Variants in HS6ST2 observed in about 807,000 individuals in gnomAD.
The protein encoded by HS6ST2 is heparan sulfate 6-O-sulfotransferase 2.
Under a neutral mutation model 33.0 loss-of-function variants are expected in HS6ST2, and 17 were observed. The ratio of observed to expected loss-of-function variants is 0.52; its 90% CI spans 0.35 to 0.77. The LOEUF is 0.77. Ranked by LOEUF, HS6ST2 falls within the 30% of genes least tolerant of loss-of-function variation. The probability of loss-of-function intolerance (pLI) is 0.01; values close to 1 mark genes in which losing one functional copy is unlikely to be tolerated. For synonymous variants in HS6ST2, 248 were observed against 237.1 expected, an observed-to-expected ratio of 1.05 and a Z score of -0.42; for missense variants, 519 against 551.7, an observed-to-expected ratio of 0.94 and a Z score of 0.59.
intron 2 of HS6ST2, among the ~76,000 whole-genome samples, chrX:132,829,388 G>A (rs1364718029): frequency 9.3e-6 from 1 of 107,833 alleles, no homozygotes; most frequent in Non-Finnish European, 1.9e-5. Context: ...ATGTATCTAT[G>A]TATTTATGTA....
chrX:132,633,934 C>A (rs2063536368), intron 4 of HS6ST2, among the ~76,000 whole-genome samples: 1 of 111,721 alleles, frequency 9.0e-6, no homozygotes, highest in African/African-American at 3.3e-5. Flanking sequence ...GACACCATTT[C>A]TCTTAATGTG....
At chrX:132,669,266 C>G in intron 3 of HS6ST2, 67 bp from the exon 4 acceptor site, 1 of 983,702 alleles carries the variant, frequency 1.0e-6, no homozygotes, top group Non-Finnish European at 1.4e-6. Flanking sequence ...AGCAATTAGT[C>G]ACTTCATTTA....
chrX:132,732,842 C>T (rs1468426985), intron 2 of HS6ST2, among the ~76,000 whole-genome samples: 1 of 111,722 alleles, frequency 9.0e-6, no homozygotes, highest in Non-Finnish European at 1.9e-5. Context: ...AAGGATCAAA[C>T]CATTGGGAGG....
chrX:132,753,273 A>G (rs1471821295), intron 2 of HS6ST2, among the ~76,000 whole-genome samples: 1 of 111,976 alleles, frequency 8.9e-6, no homozygotes, highest in African/African-American at 3.2e-5. Context: ...GCTTATGCTA[A>G]GGAGAAGGTT....
At chrX:132,670,032 C>G (rs1335028708) in intron 3 of HS6ST2, 2 of 111,726 alleles carry the variant, frequency 1.8e-5, no homozygotes, top group Non-Finnish European at 3.8e-5. Context: ...TCCATGGAAA[C>G]CAATTCAAAG....
chrX:132,694,150 C>T (rs1569481591), intron 3 of HS6ST2, among the ~76,000 whole-genome samples: 2 of 111,536 alleles, frequency 1.8e-5, no homozygotes, highest in African/African-American at 3.3e-5. Flanking sequence ...GCACCAGACT[C>T]GAGCGGTGCA....
intron 3 of HS6ST2, among the ~76,000 whole-genome samples, chrX:132,694,226 C>T (rs1245890058): frequency 9.0e-6 from 1 of 111,618 alleles, no homozygotes; most frequent in African/African-American, 3.3e-5. Flanking sequence ...TTGACTGCAG[C>T]TGCCCTCTAA....
chrX:132,730,628 G>A (rs999355470), intron 2 of HS6ST2, among the ~76,000 whole-genome samples: 1 of 112,381 alleles, frequency 8.9e-6, no homozygotes, highest in South Asian at 3.8e-4. Flanking sequence ...GCGTCATGGC[G>A]GCTTGCCACA....
At chrX:132,827,854 C>T (rs764848560) in intron 2 of HS6ST2, among the ~76,000 whole-genome samples, 1 of 111,052 alleles carries the variant, frequency 9.0e-6, no homozygotes, top group South Asian at 3.9e-4. Context: ...GAGAGGATTT[C>T]AGGTGCTTCA....
chrX:132,938,880 T>C (rs1301617514), intron 2 of HS6ST2, among the ~76,000 whole-genome samples: 1 of 112,032 alleles, frequency 8.9e-6, no homozygotes, highest in African/African-American at 3.3e-5. Context: ...TAAAGGAATG[T>C]CTGAGACTGG....
rs957646814 is a variant in HS6ST2 at position 132,791,538 on chromosome X, T to C, written c.948-83044A>G. ...CAATGGTTAGAAATCACTATCCAAT[T>C]TATAAAACGAGCATTTTCTTTTTCA... On this transcript the variant is annotated intron_variant, in intron 2 of 4. Transcript: ENST00000370833. Among the ~76,000 whole-genome samples the C allele has an allele frequency of 2.7e-5, 3 of 112,085 alleles. No homozygotes were observed. In the East Asian group the frequency reaches 8.4e-4, roughly 31 times the overall value.
At chrX:132,758,310 T>C (rs917233598) in intron 2 of HS6ST2, 1 of 112,189 alleles carries the variant, frequency 8.9e-6, no homozygotes, top group Non-Finnish European at 1.9e-5. Context: ...AGGCACCTCC[T>C]CGCCAGGTGA....
intron 3 of HS6ST2, among the ~76,000 whole-genome samples, chrX:132,699,343 T>C (rs187504247): frequency 8.9e-6 from 1 of 111,842 alleles, no homozygotes; most frequent in East Asian, 2.8e-4. Context: ...AGTGTTGTTT[T>C]ATTTATACAT....
In HS6ST2 at chrX:132,897,500, A is replaced by G. The variant is rs777422199; in HGVS notation, c.947+59308T>C. Among the ~76,000 whole-genome samples the G allele has an allele frequency of 3.6e-5, 4 of 111,801 alleles. No individual in the cohort carries two copies. In the East Asian group the frequency reaches 1.1e-3, roughly 32 times the overall value. ...TGAATTTCCTCATCTATAAAATGGT[A>G]ATAGTAATAGCACCCACCTCATAGG... On this transcript the variant is annotated intron_variant, in intron 2 of 4. Coordinates refer to ENST00000370833, the MANE Select transcript of HS6ST2 (RefSeq NM_001394073.1).
At chrX:132,934,680 A>G (rs2066806627) in intron 2 of HS6ST2, among the ~76,000 whole-genome samples, 1 of 112,006 alleles carries the variant, frequency 8.9e-6, no homozygotes, top group African/African-American at 3.2e-5. Context: ...TTAACTTAAT[A>G]TAAGACAAAG....
intron 2 of HS6ST2, among the ~76,000 whole-genome samples, chrX:132,916,632 A>G (rs147477569): frequency 1.6e-3 from 183 of 112,152 alleles, no homozygotes; most frequent in Middle Eastern, 4.6e-3. Flanking sequence ...GAATTAGCTG[A>G]CTTCCTAGTC....
At position 132,904,673 on chromosome X, in the gene HS6ST2, C is replaced by G. The variant is rs1478530334; in HGVS notation, c.947+52135G>C. Among the ~76,000 whole-genome samples the G allele has an allele frequency of 2.9e-5, 3 of 102,045 alleles. No individual in the cohort carries two copies. The East Asian group carries it at 9.3e-4, about 32-fold the overall frequency. 88.6% of individuals were successfully genotyped at this position (102,045 alleles called of 115,157 possible). A position where few individuals can be genotyped will look rare whatever the true frequency, so the allele number is the denominator to read the frequency against. On this transcript the variant is annotated intron_variant, in intron 2 of 4. Transcript: ENST00000370833. ...CTCCTTAGCAGCTGGGACTACAGGC[C>G]CACACCACCAGGCCCAGCTATTTTT...
At chrX:132,734,006 T>C (rs1424403088) in intron 2 of HS6ST2, among the ~76,000 whole-genome samples, 3 of 99,771 alleles carry the variant, frequency 3.0e-5, no homozygotes, top group Non-Finnish European at 6.0e-5. Context: ...AAAGCAACAG[T>C]CTAGGAATCT....
chrX:132,701,976 A>G (rs1325003604), intron 3 of HS6ST2, among the ~76,000 whole-genome samples: 1 of 112,403 alleles, frequency 8.9e-6, no homozygotes, highest in Non-Finnish European at 1.9e-5. Flanking sequence ...TTGCTGCTCT[A>G]GCTGGCAGAG....
Sources: allele counts gnomAD v4.1 joint callset (sites outside exome capture counted in the v4.1 genomes callset), GRCh38; gene constraint gnomAD v4.1.1; transcripts MANE v1.5; gene names NCBI Gene and HGNC (gene_info 2026-07-23, HGNC 2026-07-21).